Variants in IL7 observed in about 807,000 individuals in gnomAD.
IL7 encodes interleukin-7.
Under a neutral mutation model 21.6 loss-of-function variants are expected in IL7, and 3 were observed. The observed-to-expected ratio is 0.14, with a 90% confidence interval of 0.06 to 0.36. The LOEUF (loss-of-function observed/expected upper bound fraction) is 0.36. Among genes scored for constraint, IL7 ranks in the 10% least tolerant of loss-of-function variants. IL7 has a pLI of 1.00. For missense variants in IL7, 175 were observed against 200.2 expected, an observed-to-expected ratio of 0.87 and a Z score of 0.76; for synonymous variants, 62 against 68.1, an observed-to-expected ratio of 0.91 and a Z score of 0.44.
intron 4 of IL7, among the ~76,000 whole-genome samples, chr8:78,680,039 GTAT>G (rs1289377139): frequency 6.6e-6 from 1 of 151,960 alleles, no homozygotes; most frequent in Non-Finnish European, 1.5e-5. Context: ...GCTACATACC[GTAT>G]TATTCTGGGC....
intron 2 of IL7, among the ~76,000 whole-genome samples, chr8:78,788,853 T>A (rs947472512): frequency 6.6e-6 from 1 of 152,194 alleles, no homozygotes; most frequent in Non-Finnish European, 1.5e-5. Context: ...AATAGATACA[T>A]GTATTTCTTG....
At chr8:78,689,946 C>T (rs2130505585) in intron 3 of IL7, among the ~76,000 whole-genome samples, 1 of 152,248 alleles carries the variant, frequency 6.6e-6, no homozygotes, top group East Asian at 1.9e-4. Flanking sequence ...GCTCTTACAT[C>T]TGTAAATCAC....
chr8:78,774,630 C>T (rs1209014943), intron 2 of IL7, among the ~76,000 whole-genome samples: 1 of 151,848 alleles, frequency 6.6e-6, no homozygotes, highest in Non-Finnish European at 1.5e-5. Flanking sequence ...CATAACATAG[C>T]GTGTTTTCTA....
At chr8:78,763,495 T>A (rs1812647772) in intron 2 of IL7, among the ~76,000 whole-genome samples, 1 of 152,088 alleles carries the variant, frequency 6.6e-6, no homozygotes, top group Non-Finnish European at 1.5e-5. Flanking sequence ...TACAGAGACA[T>A]CACTTTAGAT....
At chr8:78,799,330 T>C (rs1461302210) in intron 1 of IL7, among the ~76,000 whole-genome samples, 2 of 152,098 alleles carry the variant, frequency 1.3e-5, no homozygotes, top group African/African-American at 4.8e-5. Context: ...ATCTATTATA[T>C]CATGATCTGT....
At chr8:78,798,249 C>T (rs766086424) in intron 1 of IL7, 41 bp from the exon 2 acceptor site, 39 of 1,437,088 alleles carry the variant, frequency 2.7e-5, no homozygotes, top group East Asian at 2.3e-5. Flanking sequence ...AATGTTATAT[C>T]GTATTGCATT....
At chr8:78,769,815 T>C (rs1812891394) in intron 2 of IL7, among the ~76,000 whole-genome samples, 1 of 152,068 alleles carries the variant, frequency 6.6e-6, no homozygotes, top group Admixed American at 6.5e-5. Context: ...CAAAACAACA[T>C]GATACTGGTA....
intron 2 of IL7, among the ~76,000 whole-genome samples, chr8:78,773,082 C>A (rs1411447768): frequency 2.0e-5 from 3 of 152,132 alleles, no homozygotes; most frequent in African/African-American, 7.2e-5. Context: ...AGTTCAGGGT[C>A]ACTTTCCAAA....
At chr8:78,735,152 A>ATG (rs1363965668) in intron 5 of IL7, among the ~76,000 whole-genome samples, 1 of 152,084 alleles carries the variant, frequency 6.6e-6, no homozygotes, top group Non-Finnish European at 1.5e-5. Flanking sequence ...CAGATTTGAA[A>ATG]TATACAGATG....
intron 3 of IL7, among the ~76,000 whole-genome samples, chr8:78,702,191 A>C (rs1810626657): frequency 6.6e-6 from 1 of 152,102 alleles, no homozygotes; most frequent in South Asian, 2.1e-4. Context: ...TTCCTGGTTC[A>C]GTCTTGGGAG....
At chr8:78,707,873 A>G (rs1293047957) in intron 3 of IL7, among the ~76,000 whole-genome samples, 1 of 147,146 alleles carries the variant, frequency 6.8e-6, no homozygotes, top group Non-Finnish European at 1.5e-5. Context: ...TTTTTTAAGA[A>G]TTAGTGAAGT....
At chr8:78,743,462 C>T (rs960576448) in intron 2 of IL7, among the ~76,000 whole-genome samples, 11 of 151,854 alleles carry the variant, frequency 7.2e-5, no homozygotes, top group Non-Finnish European at 1.3e-4. Flanking sequence ...CCATATTTCT[C>T]GGAGGTTTTG....
intron 2 of IL7, chr8:78,761,240 T>C (rs1586079064): frequency 4.4e-6 from 7 of 1,604,330 alleles, no homozygotes; most frequent in Middle Eastern, 2.3e-4. Flanking sequence ...TAAAAGCAGT[T>C]GTGGTGATCG....
Position 78,805,006 on chromosome 8 carries a change from C to G in IL7, c.-84G>C, listed in dbSNP as rs79520846. The G allele has an allele frequency of 2.3e-4, 345 of 1,485,454 alleles. 2 individuals are homozygous for G. The East Asian group carries it at 7.9e-3, about 34-fold the overall frequency. The allele number at this position is 1,485,454 out of a possible 1,614,324, so 92.0% of individuals were successfully genotyped here. A position where few individuals can be genotyped will look rare whatever the true frequency, so the allele number is the denominator to read the frequency against. On this transcript the variant is annotated 5_prime_UTR_variant, in exon 1 of 6. Transcript: ENST00000263851. ...ACCGCCCATAGTCACTCCCAGGACC[C>G]TGGTCTTCCGCGGAGTTGCCGAGTC...
intron 2 of IL7, among the ~76,000 whole-genome samples, chr8:78,749,996 C>T (rs958798783): frequency 6.6e-6 from 1 of 152,076 alleles, no homozygotes; most frequent in African/African-American, 2.4e-5. Context: ...ATTTATATCA[C>T]TGCACTCCAG....
At chr8:78,708,621 A>G (rs1810856214) in intron 3 of IL7, among the ~76,000 whole-genome samples, 1 of 152,074 alleles carries the variant, frequency 6.6e-6, no homozygotes, top group Non-Finnish European at 1.5e-5. Flanking sequence ...TTAAAAAACA[A>G]CAAAACACAC....
intron 2 of IL7, among the ~76,000 whole-genome samples, chr8:78,743,192 A>G (rs6999344): frequency 0.037 from 5,630 of 152,234 alleles, 315 homozygotes; most frequent in African/African-American, 0.13. Flanking sequence ...TAGTGCTGCA[A>G]TGAACATACA....
rs532551318 is a variant in IL7, at chr8:78,759,345, A to T, written c.148-19263T>A. On this transcript the variant is annotated intron_variant, in intron 2 of 5. Coordinates refer to ENST00000263851, the MANE Select transcript of IL7 (RefSeq NM_000880.4). ...TTTTTCTAGATAAACCACAACACTT[A>T]TTTTGTAGGTTTTCCAGGTTTTGCT... Among the ~76,000 whole-genome samples the T allele has an allele frequency of 1.5e-4, 23 of 151,326 alleles. No homozygotes were observed. In the South Asian group the frequency reaches 4.8e-3, roughly 31 times the overall value.
downstream of IL7, among the ~76,000 whole-genome samples, chr8:78,712,962 C>A (rs557816832): frequency 6.6e-6 from 1 of 152,240 alleles, no homozygotes; most frequent in South Asian, 2.1e-4. Flanking sequence ...AAGATACTAG[C>A]AGCAGCCATT....
Sources: allele counts gnomAD v4.1 joint callset (sites outside exome capture counted in the v4.1 genomes callset), GRCh38; gene constraint gnomAD v4.1.1; transcripts MANE v1.5; gene names NCBI Gene and HGNC (gene_info 2026-07-23, HGNC 2026-07-21).